The following RANBP17 variants were observed in gnomAD, a reference collection of about 807,000 sequenced individuals.
The protein encoded by RANBP17 is ran-binding protein 17.
RANBP17 carries 158 observed loss-of-function variants against 141.2 expected under a neutral mutation model. The observed-to-expected ratio is 1.12, with a 90% confidence interval of 0.98 to 1.28. The LOEUF is 1.28. RANBP17 is among the 50% of genes most tolerant of loss of function. The probability of loss-of-function intolerance (pLI) is 0.00; values close to 1 mark genes in which losing one functional copy is unlikely to be tolerated. For synonymous variants in RANBP17, 430 were observed against 450.0 expected, an observed-to-expected ratio of 0.96 and a Z score of 0.56; for missense variants, 1,438 against 1,290.7, an observed-to-expected ratio of 1.11 and a Z score of -1.75.
intron 14 of RANBP17, among the ~76,000 whole-genome samples, chr5:170,977,442 C>A (rs2127543832): frequency 6.6e-6 from 1 of 152,122 alleles, no homozygotes; most frequent in South Asian, 2.1e-4. Flanking sequence ...TCTGGCAGTT[C>A]TTCAAAAGGT....
At chr5:171,181,431 A>G (rs1314381510) in intron 16 of RANBP17, among the ~76,000 whole-genome samples, 1 of 151,832 alleles carries the variant, frequency 6.6e-6, no homozygotes, top group African/African-American at 2.4e-5. Context: ...AGCCTGGGCG[A>G]CAGAGCGAAG....
At chr5:171,228,691 A>G (rs1184516281) in intron 22 of RANBP17, among the ~76,000 whole-genome samples, 1 of 152,168 alleles carries the variant, frequency 6.6e-6, no homozygotes, top group Non-Finnish European at 1.5e-5. Context: ...TATTTTAAGA[A>G]ATTGCCACAG....
intron 14 of RANBP17, among the ~76,000 whole-genome samples, chr5:171,073,836 C>CTTT: frequency 7.1e-6 from 1 of 141,182 alleles, no homozygotes; most frequent in East Asian, 2.1e-4. Context: ...TAAGGAGGTA[C>CTTT]TTTTTTTTTT....
intron 13 of RANBP17, among the ~76,000 whole-genome samples, chr5:170,960,473 C>G (rs56922993): frequency 0.024 from 3,651 of 152,322 alleles, 132 homozygotes; most frequent in African/African-American, 0.082. Context: ...TCATCATACA[C>G]TCAGTTTCCC....
chr5:171,280,480 A>G (rs1241485778), intron 25 of RANBP17, among the ~76,000 whole-genome samples: 1 of 152,064 alleles, frequency 6.6e-6, no homozygotes, highest in Admixed American at 6.5e-5. Flanking sequence ...GGGTTTCACC[A>G]TAGTGCCCAG....
Position 170,977,107 on chromosome 5 carries a change from C to G in RANBP17, c.1710+8730C>G, listed in dbSNP as rs180970102. Among the ~76,000 whole-genome samples the G allele has an allele frequency of 4.1e-3, 620 of 152,016 alleles. 6 individuals carry two copies. Among genetic ancestry groups the G allele is most frequent in the African/African-American group, 0.014 (598 of 41,494 alleles). ...CATATCATATATTTCATAAAGGTCTCGCATCTAGAATCTATAAAGAATTCT... is the reference window on the plus strand; with the variant it reads ...CATATCATATATTTCATAAAGGTCTGGCATCTAGAATCTATAAAGAATTCT... On this transcript the variant is annotated intron_variant, in intron 14 of 27. Transcript: ENST00000523189.
intron 25 of RANBP17, among the ~76,000 whole-genome samples, chr5:171,272,669 T>C (rs1030122454): frequency 6.6e-6 from 1 of 152,210 alleles, no homozygotes; most frequent in Non-Finnish European, 1.5e-5. Context: ...CTAAAGTATG[T>C]ATGTTTTGAG....
At chr5:171,166,098 TA>T (rs917398280) in intron 14 of RANBP17, among the ~76,000 whole-genome samples, 1 of 152,110 alleles carries the variant, frequency 6.6e-6, no homozygotes, top group Admixed American at 6.6e-5. Flanking sequence ...CGTGAGATTT[TA>T]AAAAAACAGA....
Position 171,147,259 on chromosome 5 carries a change from C to G in RANBP17, c.1711-22871C>G, listed in dbSNP as rs549604875. On this transcript the variant is annotated intron_variant, in intron 14 of 27. Transcript: ENST00000523189. Reference sequence around the variant, plus strand: ...GCATATACATTTTTATAAACATTTGCTATTATTTTGTGCTGAAGTCTAAAA... The same window carrying G: ...GCATATACATTTTTATAAACATTTGGTATTATTTTGTGCTGAAGTCTAAAA... Among the ~76,000 whole-genome samples the G allele has an allele frequency of 2.7e-5, 4 of 147,140 alleles. No homozygotes were observed. The South Asian group carries it at 8.6e-4, about 31-fold the overall frequency.
intron 24 of RANBP17, among the ~76,000 whole-genome samples, chr5:171,248,406 G>C (rs1765358848): frequency 6.6e-6 from 1 of 151,854 alleles, no homozygotes; most frequent in South Asian, 2.1e-4. Flanking sequence ...AACATTTAAG[G>C]CACAGAAAGA....
chr5:171,179,691 A>T (rs972991732), intron 16 of RANBP17, among the ~76,000 whole-genome samples: 31 of 152,184 alleles, frequency 2.0e-4, no homozygotes, highest in Non-Finnish European at 1.0e-4. Context: ...ACACTTTTGT[A>T]AATAGGATAT....
chr5:170,882,783 G>T (rs1425403696), intron 3 of RANBP17, among the ~76,000 whole-genome samples: 5 of 152,126 alleles, frequency 3.3e-5, no homozygotes, highest in Non-Finnish European at 2.9e-5. Flanking sequence ...TTGAAAAAAT[G>T]ATTTTATAAA....
At chr5:171,221,687 C>A in intron 21 of RANBP17, 71 bp from the exon 22 acceptor site, 1 of 833,584 alleles carries the variant, frequency 1.2e-6, no homozygotes. Flanking sequence ...AAATGAAAAT[C>A]CTAGGCATTT....
At position 171,015,147 on chromosome 5, in the gene RANBP17, T is replaced by C. The variant is rs918233402; in HGVS notation, c.1710+46770T>C. On this transcript the variant is annotated intron_variant, in intron 14 of 27. Transcript: ENST00000523189. Reference sequence around the variant, plus strand: ...ATTGTGTGCCTTGGTTGTTTTCTTATATTTCTTGTGCTTGGAGTTGAGCTT... The same window carrying C: ...ATTGTGTGCCTTGGTTGTTTTCTTACATTTCTTGTGCTTGGAGTTGAGCTT... 3.3e-5 allele frequency among the ~76,000 whole-genome samples: 5 copies of C among 152,196 alleles called. No homozygotes were observed. The South Asian group carries it at 6.2e-4, about 19-fold the overall frequency.
chr5:171,133,887 TAA>T (rs1292218669), intron 14 of RANBP17, among the ~76,000 whole-genome samples: 1 of 152,234 alleles, frequency 6.6e-6, no homozygotes, highest in Non-Finnish European at 1.5e-5. Flanking sequence ...ACATTTTATT[TAA>T]GAGAAAGGTC....
At chr5:171,175,166 A>G (rs911851954) in intron 16 of RANBP17, among the ~76,000 whole-genome samples, 1 of 152,138 alleles carries the variant, frequency 6.6e-6, no homozygotes, top group African/African-American at 2.4e-5. Flanking sequence ...TCCATGGTGT[A>G]TATGTGGCAC....
At chr5:171,221,227 T>G (rs1208341129) in intron 21 of RANBP17, among the ~76,000 whole-genome samples, 1 of 152,252 alleles carries the variant, frequency 6.6e-6, no homozygotes, top group African/African-American at 2.4e-5. Flanking sequence ...TGAAGTTGTA[T>G]GCAGTGGAAA....
Position 170,894,483 on chromosome 5 carries a change from T to TA in RANBP17, c.424-1567_424-1566insA, listed in dbSNP as rs1356185084. Among the ~76,000 whole-genome samples the TA allele has an allele frequency of 1.6e-4, 16 of 97,258 alleles. No individual in the cohort carries two copies. The South Asian group carries it at 2.6e-3, about 16-fold the overall frequency. 63.8% of individuals were successfully genotyped at this position (97,258 alleles called of 152,430 possible). A position where few individuals can be genotyped will look rare whatever the true frequency, so the allele number is the denominator to read the frequency against. ...TCACCATAGAATAGTTAGTACGTGT[T>TA]TTTTATATATATATATATATATATG... On this transcript the variant is annotated intron_variant, in intron 4 of 27. Transcript: ENST00000523189.
At position 170,932,870 on chromosome 5, in the gene RANBP17, C is replaced by CT. The variant is rs570728329; in HGVS notation, c.1468+8329dup. On this transcript the variant is annotated intron_variant, in intron 12 of 27. Transcript: ENST00000523189. Reference sequence around the variant, plus strand: ...ATCAGGGATGTTGGTCTAAAATTCTCTTTTTTTTTGTTGTGTCTCTACCAG... The same window carrying CT: ...ATCAGGGATGTTGGTCTAAAATTCTCTTTTTTTTTTGTTGTGTCTCTACCAG... 6.0e-3 allele frequency among the ~76,000 whole-genome samples: 910 copies of CT among 151,336 alleles called. 9 individuals carry two copies. Among genetic ancestry groups the CT allele is most frequent in the African/African-American group, 0.021 (865 of 41,208 alleles).
Sources: gnomAD v4.1 joint callset for allele counts (sites outside exome capture counted in the v4.1 genomes callset) on GRCh38, gnomAD v4.1.1 for gene constraint, MANE v1.5 for transcripts, NCBI Gene and HGNC (gene_info 2026-07-23, HGNC 2026-07-21) for gene names.